The following PTPRD variants were observed in gnomAD, a reference collection of about 807,000 sequenced individuals.
PTPRD encodes protein tyrosine phosphatase receptor type D.
PTPRD carries 34 observed loss-of-function variants against 214.5 expected under a neutral mutation model. That is an observed-to-expected ratio of 0.16 (90% CI 0.12 to 0.21). The LOEUF (loss-of-function observed/expected upper bound fraction) is 0.21, where lower values mean the gene tolerates loss of function less well. Among genes scored for constraint, PTPRD ranks in the 10% least tolerant of loss-of-function variants. PTPRD has a pLI of 1.00. For missense variants in PTPRD, 2,545 were observed against 2,398.7 expected, an observed-to-expected ratio of 1.06 and a Z score of -1.27; for synonymous variants, 1,128 against 845.7, an observed-to-expected ratio of 1.33 and a Z score of -5.79.
intron 3 of PTPRD, among the ~76,000 whole-genome samples, chr9:10,047,425 T>C (rs1047226291): frequency 6.6e-6 from 1 of 151,880 alleles, no homozygotes; most frequent in Non-Finnish European, 1.5e-5. Flanking sequence ...GTTAGATATA[T>C]GTTACAATTA....
intron 2 of PTPRD, among the ~76,000 whole-genome samples, chr9:10,503,673 C>T (rs566681110): frequency 2.6e-5 from 4 of 151,870 alleles, no homozygotes; most frequent in Non-Finnish European, 5.9e-5. Flanking sequence ...ACTATCTTAC[C>T]TCCTGGAGAT....
At chr9:9,386,912 T>A (rs2064068107) in intron 9 of PTPRD, among the ~76,000 whole-genome samples, 1 of 152,170 alleles carries the variant, frequency 6.6e-6, no homozygotes, top group South Asian at 2.1e-4. Flanking sequence ...TTCCCTTATC[T>A]AAAGGGAGAA....
intron 3 of PTPRD, among the ~76,000 whole-genome samples, chr9:10,076,466 G>A (rs2098133385): frequency 6.6e-6 from 1 of 152,112 alleles, no homozygotes; most frequent in African/African-American, 2.4e-5. Context: ...GACTGCATCT[G>A]TACTGGGAGG....
chr9:8,523,401 C>A, intron 19 of PTPRD, 112 bp downstream of exon 19: 2 of 1,299,948 alleles, frequency 1.5e-6, no homozygotes, highest in Non-Finnish European at 1.1e-6. Flanking sequence ...CTAAAACATA[C>A]CATTAACCAA....
intron 10 of PTPRD, among the ~76,000 whole-genome samples, chr9:9,168,576 CA>C (rs1477576846): frequency 1.3e-5 from 2 of 151,982 alleles, no homozygotes; most frequent in Non-Finnish European, 2.9e-5. Flanking sequence ...ATAAAGAAAT[CA>C]AACAAGTAAG....
At chr9:9,146,212 C>T (rs2099868363) in intron 10 of PTPRD, among the ~76,000 whole-genome samples, 1 of 152,128 alleles carries the variant, frequency 6.6e-6, no homozygotes, top group South Asian at 2.1e-4. Flanking sequence ...TTCGTTAGTA[C>T]CTGTATTAAA....
intron 14 of PTPRD, among the ~76,000 whole-genome samples, chr9:8,577,801 G>T (rs12344930): frequency 1.3e-5 from 2 of 151,806 alleles, no homozygotes; most frequent in South Asian, 4.1e-4. Context: ...GCAAAATCTC[G>T]GGCCCTACTC....
chr9:8,370,545 C>G (rs771187722), intron 39 of PTPRD, among the ~76,000 whole-genome samples: 10 of 152,006 alleles, frequency 6.6e-5, no homozygotes, highest in Non-Finnish European at 1.2e-4. Flanking sequence ...TGATTGGTAG[C>G]TATTGTGATT....
intron 3 of PTPRD, among the ~76,000 whole-genome samples, chr9:10,270,250 T>A (rs28537531): frequency 6.6e-6 from 1 of 151,866 alleles, no homozygotes; most frequent in Non-Finnish European, 1.5e-5. Flanking sequence ...AAATGTTTTT[T>A]AAGAATGGTA....
intron 2 of PTPRD, among the ~76,000 whole-genome samples, chr9:10,449,557 C>T (rs1588428845): frequency 6.6e-6 from 1 of 151,464 alleles, no homozygotes; most frequent in Non-Finnish European, 1.5e-5. Flanking sequence ...AAGTGAGGAG[C>T]GTCTCTGCCC....
At position 8,367,986 on chromosome 9, in the gene PTPRD, T is replaced by C. The variant is rs532138744; in HGVS notation, c.4661+7950A>G. Among the ~76,000 whole-genome samples, 3 of 152,290 alleles carry C rather than the reference T, an allele frequency of 2.0e-5. No homozygotes were observed. In the East Asian group the frequency reaches 5.8e-4, roughly 29 times the overall value. The stretch of plus-strand genomic sequence containing the variant: ...TGCTCGAGGTCACAGATGCAGTAAA[T>C]AGTACAGCTAAGATTTGAACTCTGT... On this transcript the variant is annotated intron_variant, in intron 39 of 45. Transcript: ENST00000381196.
chr9:9,666,207 C>T (rs183442216), intron 7 of PTPRD, among the ~76,000 whole-genome samples: 50 of 151,840 alleles, frequency 3.3e-4, no homozygotes, highest in Non-Finnish European at 3.7e-4. Flanking sequence ...TGATTAATGC[C>T]TATTGGTGAG....
At chr9:9,757,318 T>A (rs1335695617) in intron 6 of PTPRD, among the ~76,000 whole-genome samples, 1 of 152,180 alleles carries the variant, frequency 6.6e-6, no homozygotes, top group East Asian at 1.9e-4. Flanking sequence ...AATATCATGA[T>A]AAAAGACAAA....
chr9:9,292,467 A>T (rs1029408013), intron 9 of PTPRD, among the ~76,000 whole-genome samples: 1 of 151,418 alleles, frequency 6.6e-6, no homozygotes, highest in African/African-American at 2.4e-5. Flanking sequence ...AATAAACTTT[A>T]TATTTTAGAA....
At chr9:9,937,152 C>A (rs564062113) in intron 5 of PTPRD, among the ~76,000 whole-genome samples, 8 of 151,724 alleles carry the variant, frequency 5.3e-5, no homozygotes, top group Non-Finnish European at 1.0e-4. Context: ...GTGCAGCGCA[C>A]CAGCATGGCA....
intron 39 of PTPRD, among the ~76,000 whole-genome samples, chr9:8,346,252 T>C (rs1329485827): frequency 2.0e-5 from 3 of 152,092 alleles, no homozygotes; most frequent in African/African-American, 7.2e-5. Flanking sequence ...GTGCTAGAGC[T>C]AGCAAAAGCC....
At chr9:10,574,580 T>C (rs956602642) in intron 2 of PTPRD, among the ~76,000 whole-genome samples, 3 of 152,000 alleles carry the variant, frequency 2.0e-5, no homozygotes, top group African/African-American at 4.8e-5. Context: ...TAGGGAAAGT[T>C]TATGATTCAA....
At chr9:9,990,132 G>A (rs1341581287) in intron 4 of PTPRD, among the ~76,000 whole-genome samples, 1 of 152,188 alleles carries the variant, frequency 6.6e-6, no homozygotes, top group Non-Finnish European at 1.5e-5. Context: ...TGGATGAAAG[G>A]AATGTTGGTT....
At chr9:8,898,633 A>T (rs1276904574) in intron 11 of PTPRD, among the ~76,000 whole-genome samples, 1 of 152,216 alleles carries the variant, frequency 6.6e-6, no homozygotes, top group African/African-American at 2.4e-5. Flanking sequence ...AACTACTTTA[A>T]TTGAGTATCT....
Sources: allele counts gnomAD v4.1 joint callset (sites outside exome capture counted in the v4.1 genomes callset), GRCh38; gene constraint gnomAD v4.1.1; transcripts MANE v1.5; gene names NCBI Gene and HGNC (gene_info 2026-07-23, HGNC 2026-07-21).